Variants in KIF1B observed in about 807,000 individuals in gnomAD.
KIF1B encodes the protein kinesin family member 1B.
In KIF1B, 76 loss-of-function variants were observed where a neutral mutation model predicts 241.9. The ratio of observed to expected loss-of-function variants is 0.31; its 90% CI spans 0.26 to 0.38. The LOEUF (loss-of-function observed/expected upper bound fraction) is 0.38, where lower values mean the gene tolerates loss of function less well. Ranked by LOEUF, KIF1B falls within the 10% of genes least tolerant of loss-of-function variation. The pLI is 1.00. For synonymous variants in KIF1B, 750 were observed against 796.7 expected (o/e 0.94, Z 0.99); for missense variants, 1,622 against 2,271.4 (o/e 0.71, Z 5.81).
intron 22 of KIF1B, chr1:10,307,794 A>T: frequency 9.6e-7 from 1 of 1,038,546 alleles, no homozygotes; most frequent in Non-Finnish European, 1.2e-6. Flanking sequence ...AATATAGAGG[A>T]GTCCTAATTA....
chr1:10,300,275 A>ATAATAATAATATAG (rs1189226553), intron 22 of KIF1B, among the ~76,000 whole-genome samples: 4 of 148,972 alleles, frequency 2.7e-5, no homozygotes, highest in Non-Finnish European at 4.5e-5. Context: ...AATATAGATA[A>ATAATAATAATATAG]ATATAAAAAA....
Position 10,296,937 on chromosome 1 carries a change from T to C in KIF1B, c.1902T>C (p.Phe634=). 6.2e-7 allele frequency: 1 copy of C among 1,614,118 alleles called. No individual in the cohort carries two copies. The highest frequency in any genetic ancestry group is 8.5e-7 in the Non-Finnish European group (1 of 1,180,000). The part of the protein sequence containing the change: ...IIMGKNHVFR[F]NHPEQARAER... ...TGGGTAAAAACCATGTTTTCCGCTT[T>C]AACCACCCGGAACAAGCACGAGCTG... Residue 634 remains phenylalanine (F), a synonymous_variant, in exon 21 of 49, where the codon TTT becomes TTC. Coordinates refer to ENST00000676179, the MANE Select transcript of KIF1B (RefSeq NM_001365951.3).
chr1:10,293,387 G>A (rs1240810224), intron 17 of KIF1B, among the ~76,000 whole-genome samples: 1 of 141,406 alleles, frequency 7.1e-6, no homozygotes, highest in Middle Eastern at 3.3e-3. Flanking sequence ...TAAAGACTGT[G>A]AGGAAATTTT....
chr1:10,354,798 G>T (rs1005731863), intron 38 of KIF1B, among the ~76,000 whole-genome samples: 1 of 152,148 alleles, frequency 6.6e-6, no homozygotes, highest in African/African-American at 2.4e-5. Context: ...CCATCAATCT[G>T]TATATTTTAG....
intron 2 of KIF1B, among the ~76,000 whole-genome samples, chr1:10,251,942 A>G (rs1052212956): frequency 6.6e-6 from 1 of 152,168 alleles, no homozygotes; most frequent in Non-Finnish European, 1.5e-5. Flanking sequence ...CTCACACAAT[A>G]TGACACTTAT....
At chr1:10,218,054 C>T (rs568396130) in intron 1 of KIF1B, among the ~76,000 whole-genome samples, 2 of 152,230 alleles carry the variant, frequency 1.3e-5, no homozygotes, top group Non-Finnish European at 2.9e-5. Flanking sequence ...ATCCCTCCTT[C>T]GTTTCTGTTC....
intron 1 of KIF1B, among the ~76,000 whole-genome samples, chr1:10,223,786 C>T (rs1056141723): frequency 2.6e-5 from 4 of 151,988 alleles, no homozygotes; most frequent in Admixed American, 2.6e-4. Context: ...CCTCATGATC[C>T]GCCCGCCTCG....
intron 13 of KIF1B, 141 bp from the exon 14 acceptor site, chr1:10,278,956 C>T: frequency 1.9e-6 from 1 of 530,086 alleles, no homozygotes. Context: ...TAGATGAATA[C>T]CGTTTGTAAA....
Position 10,287,343 on chromosome 1 carries a change from C to T in KIF1B, c.1435-3739C>T, listed in dbSNP as rs144134645. On this transcript the variant is annotated intron_variant, in intron 15 of 48. Coordinates refer to ENST00000676179, the MANE Select transcript of KIF1B (RefSeq NM_001365951.3). The stretch of plus-strand genomic sequence containing the variant: ...TCCCAAGTAACTGGGACTACAGGTG[C>T]GTGCCACTGTGCCCGGCTAATTTTC... Among the ~76,000 whole-genome samples, 99 of 152,200 alleles carry T rather than the reference C, an allele frequency of 6.5e-4. 2 individuals carry two copies. In the East Asian group the frequency reaches 0.018, roughly 27 times the overall value.
chr1:10,354,356 A>C (rs1652902533), intron 38 of KIF1B, among the ~76,000 whole-genome samples: 2 of 152,184 alleles, frequency 1.3e-5, no homozygotes, highest in Non-Finnish European at 2.9e-5. Flanking sequence ...GCAAAACCAC[A>C]CCCATAATTC....
At chr1:10,360,878 A>G in intron 38 of KIF1B, 51 bp from the exon 39 acceptor site, 2 of 1,233,768 alleles carry the variant, frequency 1.6e-6, no homozygotes, top group Non-Finnish European at 2.4e-6. Flanking sequence ...ACCTGGACTA[A>G]CGTGACTTTA....
Position 10,324,072 on chromosome 1 carries a change from C to T in KIF1B, c.2537+10C>T. On this transcript the variant is annotated intron_variant, in intron 25 of 48. Coordinates refer to ENST00000676179, the MANE Select transcript of KIF1B (RefSeq NM_001365951.3). Reference sequence around the variant, plus strand: ...CTTTGGAGAAACTCAAGTATGAAAACATTCATAAAGGCTGGTTGTTTTATT... The same window carrying T: ...CTTTGGAGAAACTCAAGTATGAAAATATTCATAAAGGCTGGTTGTTTTATT... 1 of 1,613,244 alleles carries T rather than the reference C, an allele frequency of 6.2e-7. No homozygotes were observed. Among genetic ancestry groups the T allele is most frequent in the Non-Finnish European group, 8.5e-7 (1 of 1,179,304 alleles).
chr1:10,311,056 C>T (rs1431615307), intron 22 of KIF1B, among the ~76,000 whole-genome samples: 1 of 151,396 alleles, frequency 6.6e-6, no homozygotes, highest in East Asian at 1.9e-4. Flanking sequence ...AGCCCTTGCT[C>T]CCTGCATTCC....
intron 7 of KIF1B, 144 bp downstream of exon 7, chr1:10,268,407 A>G: frequency 1.4e-6 from 1 of 696,050 alleles, no homozygotes; most frequent in Non-Finnish European, 2.6e-6. Context: ...ACCTCTGCTT[A>G]TCATTTTTCT....
rs907179445 is a variant in KIF1B, at chr1:10,374,407, C to G, written c.5038C>G (p.Arg1680Gly). The change falls in exon 46 of 49, where the codon CGA (arginine) becomes GGA (glycine). Residue 1680 changes from arginine to glycine, a missense_variant. By Grantham distance (125) the Arg-to-Gly change is moderately radical. Transcript: ENST00000676179. This position sits in a 1 kb window ranked among gnomAD's most constrained non-coding sequence, Gnocchi z 4.3. ...AGCTGTGGAAACACCATATTTGGCCCGAGCAGGAAAAAACGAATTTCTCAA... is the reference window on the plus strand; with the variant it reads ...AGCTGTGGAAACACCATATTTGGCCGGAGCAGGAAAAAACGAATTTCTCAA... ...VPAVETPYLARAGKNEFLNLV... is the reference protein window; with the variant it reads ...VPAVETPYLAGAGKNEFLNLV... 1 of 1,613,950 alleles carries G rather than the reference C, an allele frequency of 6.2e-7. No homozygotes were observed. The highest frequency in any genetic ancestry group is 8.5e-7 in the Non-Finnish European group (1 of 1,179,994).
chr1:10,372,859 G>A (rs1204553404), intron 45 of KIF1B, among the ~76,000 whole-genome samples: 2 of 150,856 alleles, frequency 1.3e-5, no homozygotes, highest in South Asian at 2.1e-4. Flanking sequence ...CGTTGCCCAC[G>A]CCAGAGTGTA....
chr1:10,242,441 C>T (rs1647150020), intron 2 of KIF1B, among the ~76,000 whole-genome samples: 1 of 152,170 alleles, frequency 6.6e-6, no homozygotes, highest in Non-Finnish European at 1.5e-5. Context: ...AATTGTAAGA[C>T]ATTGGTGGTA....
rs957466871 is a variant in KIF1B at position 10,376,671 on chromosome 1, A to T, written c.*84A>T. ...TTTCTCTTTGTGATTCTTGACGGTG[A>T]CTCTTGTATGTAATCCTGTGGCTTA... On this transcript the variant is annotated 3_prime_UTR_variant, in exon 49 of 49. Coordinates refer to ENST00000676179, the MANE Select transcript of KIF1B (RefSeq NM_001365951.3). 42 of 1,367,958 alleles carry T rather than the reference A, an allele frequency of 3.1e-5. No individual in the cohort carries two copies. Among genetic ancestry groups the T allele is most frequent in the Non-Finnish European group, 4.0e-5 (38 of 957,648 alleles). The allele number at this position is 1,367,958 out of a possible 1,614,324, so 84.7% of individuals were successfully genotyped here.
Position 10,273,709 on chromosome 1 carries a change from C to CAAAAAAAA in KIF1B, c.882+701_882+708dup, listed in dbSNP as rs56349613. On this transcript the variant is annotated intron_variant, in intron 10 of 48. Transcript: ENST00000676179. ...GCCTACTCCCTTTCCTCCTCCTCCT[C>CAAAAAAAA]AAAAAAAAAAAAAAAAAAAAAAAAA... Among the ~76,000 whole-genome samples, 74 of 49,582 alleles carry CAAAAAAAA rather than the reference C, an allele frequency of 1.5e-3. 1 individual carries two copies. The highest frequency in any genetic ancestry group is 5.4e-3 in the African/African-American group (68 of 12,660). 32.5% of individuals were successfully genotyped at this position (49,582 alleles called of 152,430 possible).
Sources: allele counts gnomAD v4.1 joint callset (sites outside exome capture counted in the v4.1 genomes callset), GRCh38; gene constraint gnomAD v4.1.1; non-coding constraint Gnocchi (gnomAD v3.1); transcripts MANE v1.5; gene names NCBI Gene and HGNC (gene_info 2026-07-23, HGNC 2026-07-21).